Variants in PPARGC1A observed in about 807,000 individuals in gnomAD.
PPARGC1A encodes the protein peroxisome proliferator-activated receptor gamma coactivator 1-alpha.
A neutral mutation model predicts 88.7 loss-of-function variants in PPARGC1A; 25 were observed. The ratio of observed to expected loss-of-function variants is 0.28; its 90% CI spans 0.21 to 0.39. The LOEUF (loss-of-function observed/expected upper bound fraction) is 0.39, where lower values mean the gene tolerates loss of function less well. Among genes scored for constraint, PPARGC1A ranks in the 10% least tolerant of loss-of-function variants. The pLI, the probability that PPARGC1A is intolerant of heterozygous loss-of-function variation, is 1.00. For synonymous variants in PPARGC1A, 363 were observed against 355.6 expected (o/e 1.02, Z -0.24); for missense variants, 880 against 968.7 (o/e 0.91, Z 1.22).
the PPARGC1A span, among the ~76,000 whole-genome samples, chr4:24,014,264 C>G: frequency 1.2e-4 from 18 of 152,132 alleles, no homozygotes; most frequent in African/African-American, 4.1e-4. Context: ...GAACCTTGAC[C>G]CTCACTTGCA....
the PPARGC1A span, among the ~76,000 whole-genome samples, chr4:24,288,840 G>A: frequency 4.6e-5 from 7 of 152,150 alleles, no homozygotes; most frequent in Admixed American, 1.3e-4. Context: ...TTAGAGAGAC[G>A]ACTGCAAATA....
the PPARGC1A span, among the ~76,000 whole-genome samples, chr4:24,437,660 T>C: frequency 7.3e-6 from 1 of 136,662 alleles, no homozygotes; most frequent in African/African-American, 2.6e-5. Context: ...TTTTTGGGGG[T>C]TTTTTTCTTT....
the PPARGC1A span, among the ~76,000 whole-genome samples, chr4:24,275,064 G>A: frequency 2.6e-4 from 40 of 152,222 alleles, no homozygotes; most frequent in African/African-American, 8.7e-4. Context: ...TCTACAACCC[G>A]GATTCTTAGC....
the PPARGC1A span, among the ~76,000 whole-genome samples, chr4:24,317,554 C>A: frequency 7.0e-5 from 1 of 14,254 alleles, no homozygotes; most frequent in Non-Finnish European, 1.9e-4. Flanking sequence ...GTTCAGAGGA[C>A]TAAAAAAAAA....
Position 23,886,623 on chromosome 4 carries a change from C to T in PPARGC1A, c.55-1692G>A, listed in dbSNP as rs536034321. 7.2e-5 allele frequency among the ~76,000 whole-genome samples: 11 copies of T among 152,234 alleles called. No homozygotes were observed. The South Asian group carries it at 1.7e-3, about 23-fold the overall frequency. ...TAGCCCAAAATTACAGATCAGTATACTTGACAAGGCATATAAGTAACTGGA... is the reference window on the plus strand; with the variant it reads ...TAGCCCAAAATTACAGATCAGTATATTTGACAAGGCATATAAGTAACTGGA... On this transcript the variant is annotated intron_variant, in intron 1 of 12. Transcript: ENST00000264867.
At chr4:24,058,522 A>G in the PPARGC1A span, among the ~76,000 whole-genome samples, 1 of 152,182 alleles carries the variant, frequency 6.6e-6, no homozygotes, top group Non-Finnish European at 1.5e-5. Context: ...CCACATACCC[A>G]GGCAGCCATT....
At chr4:24,310,249 G>A in the PPARGC1A span, among the ~76,000 whole-genome samples, 1 of 152,276 alleles carries the variant, frequency 6.6e-6, no homozygotes, top group South Asian at 2.1e-4. Flanking sequence ...TGGGGTTAAA[G>A]AGATCCACTT....
chr4:24,142,101 C>G, the PPARGC1A span, among the ~76,000 whole-genome samples: 1 of 152,252 alleles, frequency 6.6e-6, no homozygotes, highest in East Asian at 1.9e-4. Context: ...ATCACCATGG[C>G]CCACACAGTC....
chr4:24,233,537 C>T, the PPARGC1A span, among the ~76,000 whole-genome samples: 1 of 151,842 alleles, frequency 6.6e-6, no homozygotes. Flanking sequence ...GCTCTAATAG[C>T]TGATGATTTC....
At chr4:24,388,485 A>G in the PPARGC1A span, among the ~76,000 whole-genome samples, 2 of 152,360 alleles carry the variant, frequency 1.3e-5, no homozygotes, top group African/African-American at 4.8e-5. Context: ...TACCCAAAGG[A>G]TTATAAACCA....
chr4:24,260,493 A>G, the PPARGC1A span, among the ~76,000 whole-genome samples: 1 of 152,240 alleles, frequency 6.6e-6, no homozygotes, highest in South Asian at 2.1e-4. Flanking sequence ...AAAGAGATTT[A>G]GAAGCAATTA....
chr4:24,037,878 C>T, the PPARGC1A span, among the ~76,000 whole-genome samples: 1 of 152,188 alleles, frequency 6.6e-6, no homozygotes. Flanking sequence ...GCTTGCTCAT[C>T]CCATACCCAC....
the PPARGC1A span, among the ~76,000 whole-genome samples, chr4:23,929,287 A>G: frequency 6.6e-6 from 1 of 152,202 alleles, no homozygotes; most frequent in Admixed American, 6.5e-5. Context: ...GAGACAGAGC[A>G]TGCTATATGT....
chr4:23,892,670 C>A, upstream of PPARGC1A, among the ~76,000 whole-genome samples: 1 of 151,832 alleles, frequency 6.6e-6, no homozygotes, highest in South Asian at 2.1e-4. Context: ...TTCTCTTACT[C>A]TCTACCCACA....
chr4:23,904,220 C>T (rs894922875), upstream of PPARGC1A: 14 of 179,334 alleles, frequency 7.8e-5, no homozygotes, highest in African/African-American at 1.2e-4. Context: ...CAGATACGAA[C>T]GTAAGAGCAA....
At chr4:24,305,532 G>T in the PPARGC1A span, among the ~76,000 whole-genome samples, 1 of 152,182 alleles carries the variant, frequency 6.6e-6, no homozygotes, top group Admixed American at 6.5e-5. Flanking sequence ...GGTGGCCATT[G>T]CCAGGTGCAG....
At chr4:24,101,362 G>A in the PPARGC1A span, among the ~76,000 whole-genome samples, 2 of 152,162 alleles carry the variant, frequency 1.3e-5, no homozygotes, top group African/African-American at 4.8e-5. Flanking sequence ...GCAGAACTGT[G>A]AGCCAATTAA....
chr4:23,936,059 T>G, the PPARGC1A span, among the ~76,000 whole-genome samples: 1 of 152,188 alleles, frequency 6.6e-6, no homozygotes, highest in Non-Finnish European at 1.5e-5. Flanking sequence ...TGAATTCCTA[T>G]GTACATCGAG....
At chr4:24,472,072 G>T in the PPARGC1A span, among the ~76,000 whole-genome samples, 1 of 152,186 alleles carries the variant, frequency 6.6e-6, no homozygotes, top group African/African-American at 2.4e-5. This position sits in a 1 kb window ranked among gnomAD's most constrained non-coding sequence, Gnocchi z 4.5. Context: ...GAGTTGTTCG[G>T]GGTAACGCGC....
Sources: allele counts gnomAD v4.1 joint callset (sites outside exome capture counted in the v4.1 genomes callset), GRCh38; gene constraint gnomAD v4.1.1; non-coding constraint Gnocchi (gnomAD v3.1); transcripts MANE v1.5; gene names NCBI Gene and HGNC (gene_info 2026-07-23, HGNC 2026-07-21).